The following TRAM2 variants were observed in gnomAD, a reference collection of about 807,000 sequenced individuals.
TRAM2 encodes the protein translocation associated membrane protein 2, also known as translocating chain-associated membrane protein 2.
A neutral mutation model predicts 51.0 loss-of-function variants in TRAM2; 12 were observed. The ratio of observed to expected loss-of-function variants is 0.24; its 90% CI spans 0.15 to 0.38. The LOEUF is 0.38. Among genes scored for constraint, TRAM2 ranks in the 10% least tolerant of loss-of-function variants. TRAM2 has a pLI of 1.00. For synonymous variants in TRAM2, 175 were observed against 179.4 expected, an observed-to-expected ratio of 0.98 and a Z score of 0.20; for missense variants, 361 against 462.0, an observed-to-expected ratio of 0.78 and a Z score of 2.00.
In TRAM2 at chr6:52,500,537, T is replaced by TG. The variant is rs1766196317; in HGVS notation, c.*2659_*2660insC. The TG allele has an allele frequency of 1.4e-5, 2 of 138,412 alleles. No individual in the cohort carries two copies. Among genetic ancestry groups the TG allele is most frequent in the Non-Finnish European group, 3.2e-5 (2 of 61,588 alleles). 8.6% of individuals were successfully genotyped at this position (138,412 alleles called of 1,614,324 possible). A position where few individuals can be genotyped will look rare whatever the true frequency, so the allele number is the denominator to read the frequency against. On this transcript the variant is annotated 3_prime_UTR_variant, in exon 11 of 11. Coordinates refer to ENST00000182527, the MANE Select transcript of TRAM2 (RefSeq NM_012288.4). The stretch of plus-strand genomic sequence containing the variant: ...CTCAGGGTTTTTTTTTGTTTTTTTT[T>TG]TTTTTTTTACATAAAATAAACCCTT...
intron 1 of TRAM2, among the ~76,000 whole-genome samples, chr6:52,563,257 T>C (rs1385587742): frequency 2.0e-5 from 3 of 152,172 alleles, no homozygotes; most frequent in East Asian, 3.8e-4. Flanking sequence ...CCCCCAGATA[T>C]TCTGTTAACT....
chr6:52,546,829 G>A (rs376470664), intron 1 of TRAM2, among the ~76,000 whole-genome samples: 199 of 152,260 alleles, frequency 1.3e-3, no homozygotes, highest in East Asian at 8.5e-3. Flanking sequence ...ATGCCCCAGG[G>A]AGGACCAGTC....
chr6:52,541,803 G>GGTTTTTTTTTTTTTTT (rs374030146), intron 1 of TRAM2, among the ~76,000 whole-genome samples: 2 of 138,700 alleles, frequency 1.4e-5, no homozygotes, highest in African/African-American at 5.3e-5. Context: ...AGTTTATTCT[G>GGTTTTTTTTTTTTTTT]TTTTTTTTTT....
chr6:52,558,598 C>G (rs1250742039), intron 1 of TRAM2, among the ~76,000 whole-genome samples: 1 of 152,150 alleles, frequency 6.6e-6, no homozygotes. Context: ...GACACTATTA[C>G]AGCAAACAAA....
intron 1 of TRAM2, among the ~76,000 whole-genome samples, chr6:52,560,823 T>C (rs1181042448): frequency 1.3e-5 from 2 of 152,216 alleles, no homozygotes; most frequent in Non-Finnish European, 2.9e-5. Context: ...TACAAGCTGT[T>C]CAATATCGTT....
rs909513321 is a variant in TRAM2 at position 52,550,868 on chromosome 6, C to T, written c.121-15022G>A. 2.0e-5 allele frequency among the ~76,000 whole-genome samples: 3 copies of T among 152,138 alleles called. No individual in the cohort carries two copies. The East Asian group carries it at 5.8e-4, about 29-fold the overall frequency. On this transcript the variant is annotated intron_variant, in intron 1 of 10. Transcript: ENST00000182527. ...ACAGGAGTGTGCCACCATGCCCAACCGAATAGGACACTTTAAACCAGCAAA... is the reference window on the plus strand; with the variant it reads ...ACAGGAGTGTGCCACCATGCCCAACTGAATAGGACACTTTAAACCAGCAAA...
intron 2 of TRAM2, chr6:52,529,601 G>A (rs1766849153): frequency 6.6e-6 from 1 of 152,214 alleles, no homozygotes; most frequent in Non-Finnish European, 1.5e-5. Context: ...AAGCCCTTCA[G>A]AGGACTCCCA....
intron 1 of TRAM2, among the ~76,000 whole-genome samples, chr6:52,562,299 G>A (rs1406529162): frequency 6.6e-6 from 1 of 152,264 alleles, no homozygotes; most frequent in African/African-American, 2.4e-5. Context: ...ACCATGATAA[G>A]GGAAGCACAG....
At chr6:52,575,644 C>A (rs892640171) in intron 1 of TRAM2, among the ~76,000 whole-genome samples, 1 of 152,132 alleles carries the variant, frequency 6.6e-6, no homozygotes, top group South Asian at 2.1e-4. Context: ...GACAGAGGGA[C>A]AGGGAAGGAA....
intron 1 of TRAM2, among the ~76,000 whole-genome samples, chr6:52,548,886 C>A (rs900108056): frequency 2.0e-5 from 3 of 152,198 alleles, no homozygotes; most frequent in African/African-American, 7.2e-5. Flanking sequence ...GTGTTCTTGG[C>A]ACAAAGGAGA....
chr6:52,567,509 G>A (rs200552619), intron 1 of TRAM2, among the ~76,000 whole-genome samples: 14 of 152,310 alleles, frequency 9.2e-5, no homozygotes, highest in African/African-American at 3.4e-4. Context: ...TTCCCAGGCT[G>A]GGCAAAGAAT....
intron 1 of TRAM2, among the ~76,000 whole-genome samples, chr6:52,551,821 A>G (rs1767314739): frequency 6.6e-6 from 1 of 152,258 alleles, no homozygotes; most frequent in African/African-American, 2.4e-5. Context: ...GGAAGGGAAG[A>G]GGAAGGGGTT....
intron 1 of TRAM2, among the ~76,000 whole-genome samples, chr6:52,571,455 A>C (rs1485976708): frequency 6.6e-6 from 1 of 152,224 alleles, no homozygotes; most frequent in East Asian, 1.9e-4. Flanking sequence ...CCCTCGAGAA[A>C]CGAGTGACTG....
chr6:52,524,900 T>A (rs1766747301), intron 2 of TRAM2: 1 of 152,130 alleles, frequency 6.6e-6, no homozygotes, highest in Admixed American at 6.5e-5. Context: ...ATCTACCTTT[T>A]CTCACAGAGC....
At chr6:52,512,368 G>A (rs1344172395) in intron 4 of TRAM2, among the ~76,000 whole-genome samples, 3 of 152,116 alleles carry the variant, frequency 2.0e-5, no homozygotes, top group Admixed American at 6.5e-5. Flanking sequence ...TCCAGTCCAC[G>A]GGGACTGGAG....
chr6:52,517,032 C>T (rs991553888), intron 2 of TRAM2: 16 of 333,896 alleles, frequency 4.8e-5, no homozygotes, highest in Admixed American at 8.9e-5. Context: ...GGGTTAGAGA[C>T]CACCAATCCC....
chr6:52,574,676 TTTG>T (rs1767734418), intron 1 of TRAM2, among the ~76,000 whole-genome samples: 1 of 152,174 alleles, frequency 6.6e-6, no homozygotes, highest in African/African-American at 2.4e-5. Flanking sequence ...AGTAGTTTTG[TTTG>T]TTGTTTTTCT....
Position 52,535,180 on chromosome 6 carries a change from A to G in TRAM2, c.184+603T>C, listed in dbSNP as rs566824482. Among the ~76,000 whole-genome samples, 44 of 152,364 alleles carry G rather than the reference A, an allele frequency of 2.9e-4. No individual in the cohort carries two copies. The East Asian group carries it at 7.7e-3, about 27-fold the overall frequency. The stretch of plus-strand genomic sequence containing the variant: ...TGCTCTGGAGAACAGATCAATGGTC[A>G]TGATGCCTCACATCCTGTCTCCAAC... On this transcript the variant is annotated intron_variant, in intron 2 of 10. Transcript: ENST00000182527.
At chr6:52,508,461 C>T (rs559243726) in intron 5 of TRAM2, 143 bp from the exon 6 acceptor site, 20 of 747,786 alleles carry the variant, frequency 2.7e-5, no homozygotes, top group African/African-American at 2.3e-4. Flanking sequence ...GGCCAGTGAC[C>T]GCCGCACCCT....
Sources: gnomAD v4.1 joint callset for allele counts (sites outside exome capture counted in the v4.1 genomes callset) on GRCh38, gnomAD v4.1.1 for gene constraint, MANE v1.5 for transcripts, NCBI Gene and HGNC (gene_info 2026-07-23, HGNC 2026-07-21) for gene names.